The following DOK6 variants were observed in gnomAD, a reference collection of about 807,000 sequenced individuals.
DOK6 encodes downstream of tyrosine kinase 6.
DOK6 carries 22 observed loss-of-function variants against 44.0 expected under a neutral mutation model. The ratio of observed to expected loss-of-function variants is 0.50; its 90% CI spans 0.36 to 0.71. The LOEUF (loss-of-function observed/expected upper bound fraction) is 0.71, where lower values mean the gene tolerates loss of function less well. Among genes scored for constraint, DOK6 ranks in the 30% least tolerant of loss-of-function variants. The probability of loss-of-function intolerance (pLI) is 0.00; values close to 1 mark genes in which losing one functional copy is unlikely to be tolerated. For missense variants in DOK6, 340 were observed against 416.4 expected, an observed-to-expected ratio of 0.82 and a Z score of 1.60; for synonymous variants, 166 against 145.5, an observed-to-expected ratio of 1.14 and a Z score of -1.01.
intron 3 of DOK6, among the ~76,000 whole-genome samples, chr18:69,649,226 G>A (rs1985159431): frequency 6.6e-6 from 1 of 152,128 alleles, no homozygotes; most frequent in Non-Finnish European, 1.5e-5. Context: ...AAAAGAGGAA[G>A]GCTATATTCT....
chr18:69,527,916 AATG>A (rs1408418989), intron 1 of DOK6, among the ~76,000 whole-genome samples: 8 of 152,096 alleles, frequency 5.3e-5, no homozygotes, highest in Admixed American at 2.6e-4. Context: ...TAATCCCAGC[AATG>A]CTGGGAGGCC....
At chr18:69,762,669 G>A (rs8083847) in intron 7 of DOK6, among the ~76,000 whole-genome samples, 5,625 of 152,308 alleles carry the variant, frequency 0.037, 159 homozygotes, top group Non-Finnish European at 0.056. Context: ...AAGAGATTAA[G>A]ATTCATTAAT....
chr18:69,553,038 GA>G (rs1236774932), intron 1 of DOK6, among the ~76,000 whole-genome samples: 3 of 152,204 alleles, frequency 2.0e-5, no homozygotes, highest in African/African-American at 7.2e-5. Flanking sequence ...TTAACAAAAA[GA>G]GATAGAAATT....
intron 1 of DOK6, among the ~76,000 whole-genome samples, chr18:69,446,933 G>C (rs1217722695): frequency 6.6e-6 from 1 of 152,124 alleles, no homozygotes; most frequent in Non-Finnish European, 1.5e-5. Flanking sequence ...ATTTGTTTGA[G>C]TTCTTTGTAG....
chr18:69,492,421 T>A (rs1256030154), intron 1 of DOK6, among the ~76,000 whole-genome samples: 1 of 152,084 alleles, frequency 6.6e-6, no homozygotes, highest in Non-Finnish European at 1.5e-5. Context: ...TTATTTTATT[T>A]TATTATTTTT....
rs373055212 is a variant in DOK6, at chr18:69,745,902, C to T, written c.738+6799C>T. ...TAAAAATTCATCCCAGCTTTCATTA[C>T]GTGCAGATATTGGAAATTAATTTTA... On this transcript the variant is annotated intron_variant, in intron 6 of 7. Coordinates refer to ENST00000382713, the MANE Select transcript of DOK6 (RefSeq NM_152721.6). Among the ~76,000 whole-genome samples, 32 of 152,262 alleles carry T rather than the reference C, an allele frequency of 2.1e-4. No individual in the cohort carries two copies. The South Asian group carries it at 3.9e-3, about 19-fold the overall frequency.
At chr18:69,540,981 T>G (rs1401938138) in intron 1 of DOK6, among the ~76,000 whole-genome samples, 1 of 152,192 alleles carries the variant, frequency 6.6e-6, no homozygotes, top group Admixed American at 6.5e-5. Flanking sequence ...TTAATGCTAA[T>G]TCTTGCACTA....
At chr18:69,601,380 C>T (rs956935567) in intron 3 of DOK6, among the ~76,000 whole-genome samples, 3 of 152,176 alleles carry the variant, frequency 2.0e-5, no homozygotes, top group Non-Finnish European at 4.4e-5. Context: ...TTATAAATGT[C>T]AGTCTCTATA....
chr18:69,759,323 T>C (rs1318823180), intron 7 of DOK6, among the ~76,000 whole-genome samples: 4 of 152,162 alleles, frequency 2.6e-5, no homozygotes, highest in Non-Finnish European at 5.9e-5. Context: ...GAAAAATAAT[T>C]TGAAAGTATG....
chr18:69,735,297 C>G (rs1978566311), intron 5 of DOK6, among the ~76,000 whole-genome samples: 1 of 152,228 alleles, frequency 6.6e-6, no homozygotes, highest in Non-Finnish European at 1.5e-5. Context: ...ATTATTGACT[C>G]CTTAGCACAT....
intron 7 of DOK6, among the ~76,000 whole-genome samples, chr18:69,766,128 G>A (rs1979705835): frequency 6.6e-6 from 1 of 152,232 alleles, no homozygotes; most frequent in African/African-American, 2.4e-5. Context: ...CAACATGGAT[G>A]TAGCTGGAGG....
chr18:69,423,975 G>T (rs73971958), intron 1 of DOK6, among the ~76,000 whole-genome samples: 2 of 151,882 alleles, frequency 1.3e-5, no homozygotes, highest in Non-Finnish European at 2.9e-5. Flanking sequence ...ATTGAATTAC[G>T]TAGCTTCAAC....
chr18:69,789,483 A>G (rs1980530661), intron 7 of DOK6, among the ~76,000 whole-genome samples: 4 of 151,840 alleles, frequency 2.6e-5, no homozygotes, highest in Admixed American at 2.6e-4. Context: ...GTGTGTGTGT[A>G]AGTAAAATAA....
intron 3 of DOK6, among the ~76,000 whole-genome samples, chr18:69,615,342 G>A (rs1229985051): frequency 6.6e-6 from 1 of 152,080 alleles, no homozygotes; most frequent in African/African-American, 2.4e-5. Flanking sequence ...ATTACTTTGG[G>A]GATAATGGGA....
At chr18:69,760,708 G>A (rs1337310084) in intron 7 of DOK6, among the ~76,000 whole-genome samples, 1 of 147,822 alleles carries the variant, frequency 6.8e-6, no homozygotes, top group African/African-American at 2.5e-5. Flanking sequence ...TCTAGTAGGA[G>A]CCTGCCTTTC....
intron 7 of DOK6, among the ~76,000 whole-genome samples, chr18:69,810,941 A>T (rs1291703838): frequency 6.6e-6 from 1 of 152,160 alleles, no homozygotes; most frequent in African/African-American, 2.4e-5. Context: ...CAGCAATCCC[A>T]GTATTGGTTA....
At chr18:69,619,774 T>C (rs988854940) in intron 3 of DOK6, among the ~76,000 whole-genome samples, 1 of 152,198 alleles carries the variant, frequency 6.6e-6, no homozygotes, top group Non-Finnish European at 1.5e-5. Flanking sequence ...AAAATGCAGT[T>C]GGTAGTGTGC....
intron 6 of DOK6, among the ~76,000 whole-genome samples, chr18:69,750,049 A>ATAT (rs1279879518): frequency 1.4e-5 from 2 of 147,760 alleles, no homozygotes; most frequent in African/African-American, 4.9e-5. Context: ...CATTTTATAT[A>ATAT]TATATATATT....
chr18:69,479,766 T>A (rs907750359), intron 1 of DOK6, among the ~76,000 whole-genome samples: 1 of 152,174 alleles, frequency 6.6e-6, no homozygotes, highest in Non-Finnish European at 1.5e-5. Flanking sequence ...TATTTAACAC[T>A]CTTAAGTTGA....
Sources: gnomAD v4.1 joint callset for allele counts (sites outside exome capture counted in the v4.1 genomes callset) on GRCh38, gnomAD v4.1.1 for gene constraint, MANE v1.5 for transcripts, NCBI Gene and HGNC (gene_info 2026-07-23, HGNC 2026-07-21) for gene names.